NELL2: variants seen among roughly 807,000 people sequenced by gnomAD.
The protein encoded by NELL2 is protein kinase C-binding protein NELL2.
In NELL2, 41 loss-of-function variants were observed where a neutral mutation model predicts 109.6. The observed-to-expected ratio is 0.37, with a 90% confidence interval of 0.29 to 0.49. The LOEUF (loss-of-function observed/expected upper bound fraction) is 0.49, where lower values mean the gene tolerates loss of function less well. Among genes scored for constraint, NELL2 ranks in the 20% least tolerant of loss-of-function variants. The pLI, the probability that NELL2 is intolerant of heterozygous loss-of-function variation, is 0.98. For synonymous variants in NELL2, 355 were observed against 344.7 expected (o/e 1.03, Z -0.33); for missense variants, 900 against 1,008.3 (o/e 0.89, Z 1.45).
intron 9 of NELL2, among the ~76,000 whole-genome samples, chr12:44,716,580 A>C (rs1414849971): frequency 2.0e-5 from 3 of 152,112 alleles, no homozygotes; most frequent in African/African-American, 7.2e-5. Context: ...GTTTTTATGA[A>C]ACTCAGTAAC....
chr12:44,534,328 AT>A (rs2139014851), intron 15 of NELL2, among the ~76,000 whole-genome samples: 1 of 152,248 alleles, frequency 6.6e-6, no homozygotes, highest in South Asian at 2.1e-4. Context: ...TAGGCAAAAA[AT>A]ATTTTATATT....
intron 13 of NELL2, among the ~76,000 whole-genome samples, chr12:44,643,932 T>C (rs1366658609): frequency 6.6e-6 from 1 of 151,966 alleles, no homozygotes; most frequent in African/African-American, 2.4e-5. Flanking sequence ...TGGGCAAGAG[T>C]TTCTACTTGG....
At chr12:44,727,126 G>A (rs1025756657) in intron 9 of NELL2, among the ~76,000 whole-genome samples, 12 of 152,110 alleles carry the variant, frequency 7.9e-5, no homozygotes, top group African/African-American at 2.9e-4. Flanking sequence ...CACACTTAGA[G>A]TAGCAAGATT....
At chr12:44,897,807 C>T (rs1450664488) in intron 1 of NELL2, among the ~76,000 whole-genome samples, 1 of 151,874 alleles carries the variant, frequency 6.6e-6, no homozygotes, top group Non-Finnish European at 1.5e-5. Flanking sequence ...GCCAGGGAGC[C>T]AAGTGGACTT....
chr12:44,822,514 T>C (rs1943579629), intron 2 of NELL2, among the ~76,000 whole-genome samples: 1 of 152,080 alleles, frequency 6.6e-6, no homozygotes, highest in African/African-American at 2.4e-5. Context: ...CAATGTAAAG[T>C]GAGATTCTTT....
At position 44,587,978 on chromosome 12, in the gene NELL2, C is replaced by T. The variant is rs377007060; in HGVS notation, c.1663+19191G>A. Among the ~76,000 whole-genome samples the T allele has an allele frequency of 1.3e-3, 193 of 152,064 alleles. 1 individual carries two copies. Among genetic ancestry groups the T allele is most frequent in the African/African-American group, 3.9e-3 (163 of 41,494 alleles). ...CATCCTGGCTAACATGGTGAAACCC[C>T]GTCTCTACTAAAAATACAAAAAATT... On this transcript the variant is annotated intron_variant, in intron 15 of 19. Transcript: ENST00000429094.
chr12:44,766,197 C>T (rs1941327841), intron 9 of NELL2, among the ~76,000 whole-genome samples: 1 of 152,096 alleles, frequency 6.6e-6, no homozygotes, highest in Admixed American at 6.5e-5. Context: ...GCTCCTATAT[C>T]ATTGTTTTCT....
chr12:44,579,565 C>T (rs1156814476), intron 15 of NELL2, among the ~76,000 whole-genome samples: 2 of 152,042 alleles, frequency 1.3e-5, no homozygotes, highest in Non-Finnish European at 2.9e-5. Flanking sequence ...ATTTATATTC[C>T]CAGCTTTTCA....
intron 2 of NELL2, among the ~76,000 whole-genome samples, chr12:44,824,188 T>C (rs541586310): frequency 2.6e-5 from 4 of 152,350 alleles, no homozygotes; most frequent in African/African-American, 9.6e-5. Context: ...AGATGTACTG[T>C]TTACAAATGT....
intron 9 of NELL2, among the ~76,000 whole-genome samples, chr12:44,730,116 C>A (rs963261226): frequency 1.3e-5 from 2 of 152,118 alleles, no homozygotes; most frequent in Admixed American, 6.5e-5. Flanking sequence ...ATATACCCAA[C>A]ATCAGAGCAC....
intron 15 of NELL2, among the ~76,000 whole-genome samples, chr12:44,595,265 G>C (rs907097810): frequency 3.3e-5 from 5 of 152,166 alleles, no homozygotes; most frequent in Admixed American, 3.3e-4. Context: ...TTTAAGGCTG[G>C]AGTTGTCCCT....
At chr12:44,854,487 A>G (rs1247537249) in intron 2 of NELL2, among the ~76,000 whole-genome samples, 7 of 152,218 alleles carry the variant, frequency 4.6e-5, no homozygotes, top group Admixed American at 1.3e-4. Flanking sequence ...GGTTACAAGA[A>G]AAAGAAAAGT....
rs1271083003 is a variant in NELL2 at position 44,619,912 on chromosome 12, T to C, written c.1445-8942A>G. ...ACTGTCTTGAATAGAAGGTCTAAAGTATAACGGAGAAAATGATGGAGAAAG... is the reference window on the plus strand; with the variant it reads ...ACTGTCTTGAATAGAAGGTCTAAAGCATAACGGAGAAAATGATGGAGAAAG... On this transcript the variant is annotated intron_variant, in intron 13 of 19. Coordinates refer to ENST00000429094, the MANE Select transcript of NELL2 (RefSeq NM_001145108.2). Among the ~76,000 whole-genome samples, 6 of 152,066 alleles carry C rather than the reference T, an allele frequency of 3.9e-5. No homozygotes were observed. The East Asian group carries it at 1.2e-3, about 29-fold the overall frequency.
intron 13 of NELL2, among the ~76,000 whole-genome samples, chr12:44,640,503 T>C (rs372812239): frequency 6.6e-6 from 1 of 152,234 alleles, no homozygotes; most frequent in South Asian, 2.1e-4. Context: ...TAAACAACCA[T>C]ACTAACAACT....
intron 18 of NELL2, among the ~76,000 whole-genome samples, chr12:44,521,551 C>T (rs1048162884): frequency 1.4e-5 from 2 of 142,674 alleles, no homozygotes; most frequent in East Asian, 2.0e-4. Flanking sequence ...AAGAAGGTTG[C>T]GGTGGTGGGG....
intron 13 of NELL2, among the ~76,000 whole-genome samples, chr12:44,657,556 T>C (rs1323436557): frequency 6.6e-6 from 1 of 152,166 alleles, no homozygotes; most frequent in Non-Finnish European, 1.5e-5. Flanking sequence ...GGTATACACG[T>C]GCCATGGTGG....
intron 16 of NELL2, among the ~76,000 whole-genome samples, chr12:44,524,998 C>T (rs1941702974): frequency 1.3e-5 from 2 of 152,054 alleles, no homozygotes; most frequent in Non-Finnish European, 2.9e-5. Context: ...TGATATTTGT[C>T]TCCCATTACA....
intron 1 of NELL2, among the ~76,000 whole-genome samples, chr12:44,910,925 C>T (rs1359757230): frequency 1.3e-5 from 2 of 151,954 alleles, no homozygotes; most frequent in African/African-American, 4.8e-5. Context: ...CACATGCTCT[C>T]TCTTATAAGT....
chr12:44,537,631 A>G (rs886953380), intron 15 of NELL2, among the ~76,000 whole-genome samples: 3 of 152,174 alleles, frequency 2.0e-5, no homozygotes, highest in African/African-American at 7.2e-5. Context: ...ACAGTAGGCA[A>G]TTAAAGATCC....
Sources: allele counts gnomAD v4.1 joint callset (sites outside exome capture counted in the v4.1 genomes callset), GRCh38; gene constraint gnomAD v4.1.1; transcripts MANE v1.5; gene names NCBI Gene and HGNC (gene_info 2026-07-23, HGNC 2026-07-21).